FAM234A: variants seen among roughly 807,000 people sequenced by gnomAD.
FAM234A encodes family with sequence similarity 234 member A.
A neutral mutation model predicts 49.1 loss-of-function variants in FAM234A; 42 were observed. The observed-to-expected ratio is 0.86, with a 90% CI of 0.67 to 1.11. The LOEUF (loss-of-function observed/expected upper bound fraction) is 1.11. FAM234A is among the 50% of genes least tolerant of loss of function. The probability of loss-of-function intolerance (pLI) is 0.00; values close to 1 mark genes in which losing one functional copy is unlikely to be tolerated. For missense variants in FAM234A, 815 were observed against 745.2 expected (o/e 1.09, Z -1.09); for synonymous variants, 369 against 316.2 (o/e 1.17, Z -1.77).
At chr16:238,205 G>A (rs2050470103) in intron 1 of FAM234A, among the ~76,000 whole-genome samples, 1 of 152,092 alleles carries the variant, frequency 6.6e-6, no homozygotes, top group African/African-American at 2.4e-5. Context: ...TTTTGGTAGA[G>A]ACGAGGTTTC....
rs746104752 is a variant in FAM234A, at chr16:264,682, G to A, written c.1413G>A (p.Leu471=). The change falls in exon 12 of 13, where the codon CTG becomes CTA. Residue 471 remains leucine, a synonymous_variant. Transcript: ENST00000399932. ...HPTLPRVLLE[L]ANVSTHIVAF... is the part of the protein sequence containing the mutation. ...CCCTGCCGCGCGTGCTGCTGGAGCT[G>A]GCCAATGTCTCTACCCACATTGTCG... The A allele has an allele frequency of 4.3e-6, 7 of 1,611,990 alleles. No individual in the cohort carries two copies. The highest frequency in any genetic ancestry group is 1.7e-5 in the Admixed American group (1 of 60,012).
chr16:269,076 T>G, downstream of FAM234A: 1 of 983,780 alleles, frequency 1.0e-6, no homozygotes, highest in Middle Eastern at 2.4e-4. Flanking sequence ...CTGGACCCAT[T>G]CCTTCTGGGC....
At chr16:242,016 C>T (rs569142185) in intron 1 of FAM234A, among the ~76,000 whole-genome samples, 18 of 152,112 alleles carry the variant, frequency 1.2e-4, no homozygotes, top group Non-Finnish European at 2.4e-4. Context: ...AGGGAGAGAC[C>T]TGTCACTTCC....
chr16:254,881 G>A (rs1320258750), intron 3 of FAM234A, among the ~76,000 whole-genome samples, 200 bp downstream of exon 3: 2 of 152,202 alleles, frequency 1.3e-5, no homozygotes, highest in Middle Eastern at 3.2e-3. Context: ...TTGAGATGGA[G>A]TTTCGCTCTT....
chr16:263,735 T>C lies in FAM234A; in HGVS notation c.1148T>C (p.Leu383Ser), dbSNP rs746208457. 1.9e-6 allele frequency: 3 copies of C among 1,614,074 alleles called. No homozygotes were observed. The South Asian group carries it at 3.3e-5, about 18-fold the overall frequency. ...PIFGRYKPDT[L>S]AVAVENGTGT... The stretch of plus-strand genomic sequence containing the variant: ...TTCGGCCGCTACAAACCAGACACCT[T>C]GGCTGTAGCCGTTGAAAACGGAACT... Residue 383 changes from leucine (L) to serine (S), a missense_variant, in exon 10 of 13, where the codon TTG (leucine) becomes TCG (serine). Coordinates refer to ENST00000399932, the MANE Select transcript of FAM234A (RefSeq NM_032039.4).
chr16:240,712 G>C (rs866029870), intron 1 of FAM234A, among the ~76,000 whole-genome samples: 4 of 152,084 alleles, frequency 2.6e-5, no homozygotes, highest in Non-Finnish European at 5.9e-5. Context: ...ATGTTGGCCA[G>C]GTTGGTCTCG....
rs759287594 is a variant in FAM234A, at chr16:264,008, C to T, written c.1189-8C>T. The T allele has an allele frequency of 3.7e-6, 6 of 1,608,002 alleles. No individual in the cohort carries two copies. Among genetic ancestry groups the T allele is most frequent in the African/African-American group, 2.7e-5 (2 of 74,828 alleles). On this transcript the variant is annotated splice_region_variant and splice_polypyrimidine_tract_variant and intron_variant, in intron 10 of 12. Transcript: ENST00000399932. ...CGTTGGCCCCCACAGTGTCCCCTCC[C>T]TCCCCAGATCCTGTTTCTGGACCTT...
At chr16:258,569 C>G (rs984144650) in intron 3 of FAM234A, among the ~76,000 whole-genome samples, 1 of 152,206 alleles carries the variant, frequency 6.6e-6, no homozygotes, top group Non-Finnish European at 1.5e-5. Context: ...TACACAGACA[C>G]AGCAACCATC....
downstream of FAM234A, chr16:269,647 C>T: frequency 7.6e-7 from 1 of 1,313,416 alleles, no homozygotes; most frequent in East Asian, 2.3e-5. Context: ...CCAGCTCCAC[C>T]CGAAGGAGCA....
chr16:258,293 T>G (rs373605383), intron 3 of FAM234A, among the ~76,000 whole-genome samples: 1 of 152,014 alleles, frequency 6.6e-6, no homozygotes, highest in Non-Finnish European at 1.5e-5. Context: ...TAGGCAGAGG[T>G]CCCTGCGGCC....
intron 2 of FAM234A, among the ~76,000 whole-genome samples, chr16:253,062 T>G (rs2141271222): frequency 6.6e-6 from 1 of 152,298 alleles, no homozygotes; most frequent in South Asian, 2.1e-4. Flanking sequence ...AAAATGGAAG[T>G]TTGTTTTTTT....
At chr16:267,948 CATGCT>C (rs1312481641), downstream of FAM234A, among the ~76,000 whole-genome samples, 3 of 151,150 alleles carry the variant, frequency 2.0e-5, no homozygotes, top group Non-Finnish European at 2.9e-5. Context: ...CACAATCACA[CATGCT>C]ATGCGTACAC....
At position 254,550 on chromosome 16, in the gene FAM234A, G is replaced by A. The variant is rs192602168; in HGVS notation, c.137G>A (p.Arg46Gln). 110 of 1,614,238 alleles carry A rather than the reference G, an allele frequency of 6.8e-5. No homozygotes were observed. The African/African-American group carries it at 1.3e-3, about 19-fold the overall frequency. The part of the protein sequence containing the change: ...KSAPPQSRLS[R>Q]CRAAAFFLSL... ...GCGCCTCCACAGTCCCGGCTCTCCCGGTGCCGAGCGGCGGCGTTTTTTCTT... is the reference window on the plus strand; with the variant it reads ...GCGCCTCCACAGTCCCGGCTCTCCCAGTGCCGAGCGGCGGCGTTTTTTCTT... Residue 46 changes from arginine to glutamine, a missense_variant, in exon 3 of 13, where the codon CGG becomes CAG. Arg to Gln is a conservative substitution (Grantham distance 43). Coordinates refer to ENST00000399932, the MANE Select transcript of FAM234A (RefSeq NM_032039.4).
intron 1 of FAM234A, among the ~76,000 whole-genome samples, chr16:237,395 A>G (rs1414866857): frequency 1.3e-5 from 2 of 152,140 alleles, no homozygotes; most frequent in African/African-American, 2.4e-5. Flanking sequence ...GTTGCAGCCA[A>G]GATGTTGGCT....
intron 1 of FAM234A, among the ~76,000 whole-genome samples, chr16:238,062 A>C (rs2050464849): frequency 6.6e-6 from 1 of 151,946 alleles, no homozygotes; most frequent in Admixed American, 6.6e-5. Flanking sequence ...TCTGTTGCCC[A>C]GGCTGGAGTG....
At chr16:257,949 C>CT (rs1202611919) in intron 3 of FAM234A, among the ~76,000 whole-genome samples, 2 of 152,078 alleles carry the variant, frequency 1.3e-5, no homozygotes, top group African/African-American at 4.8e-5. Flanking sequence ...CCTCCACCTC[C>CT]TGGGTTCAGG....
chr16:266,148 C>T (rs916219841), downstream of FAM234A: 5 of 928,782 alleles, frequency 5.4e-6, no homozygotes, highest in Admixed American at 6.2e-5. Context: ...TGTCTGTCTG[C>T]TCCCTAAGTA....
chr16:254,297 A>G, intron 2 of FAM234A, 84 bp from the exon 3 acceptor site: 1 of 1,133,338 alleles, frequency 8.8e-7, no homozygotes, highest in South Asian at 1.5e-5. Flanking sequence ...GTCCCCAAGA[A>G]GCCGACGCCA....
At chr16:269,347 G>T (rs1488680263), downstream of FAM234A, 1 of 1,603,488 alleles carries the variant, frequency 6.2e-7, no homozygotes, top group Non-Finnish European at 8.5e-7. Context: ...CAGGGCTGGG[G>T]CTCGAGTGCC....
Sources: allele counts gnomAD v4.1 joint callset (sites outside exome capture counted in the v4.1 genomes callset), GRCh38; gene constraint gnomAD v4.1.1; transcripts MANE v1.5; gene names NCBI Gene and HGNC (gene_info 2026-07-23, HGNC 2026-07-21).